JAKMIP3: variants seen among roughly 807,000 people sequenced by gnomAD.
JAKMIP3 encodes the protein janus kinase and microtubule-interacting protein 3.
Under a neutral mutation model 118.5 loss-of-function variants are expected in JAKMIP3, and 58 were observed. That is an observed-to-expected ratio of 0.49 (90% CI 0.40 to 0.61). The LOEUF (loss-of-function observed/expected upper bound fraction) is 0.61. Ranked by LOEUF, JAKMIP3 falls within the 20% of genes least tolerant of loss-of-function variation. The pLI is 0.00. For missense variants in JAKMIP3, 950 were observed against 1,109.0 expected (o/e 0.86, Z 2.04); for synonymous variants, 486 against 451.2 (o/e 1.08, Z -0.98).
intron 19 of JAKMIP3, among the ~76,000 whole-genome samples, chr10:132,159,866 T>C (rs1213623750): frequency 2.9e-5 from 2 of 70,172 alleles, no homozygotes; most frequent in Non-Finnish European, 5.1e-5. Context: ...CCCTGTGTGA[T>C]GCTGGGGGGG....
rs142073916 is a variant in JAKMIP3 at position 132,067,553 on chromosome 10, G to A, written c.-138+1492G>A. ...TCGAGCTCCTCCAAGAGAAGTAAGT[G>A]TCCTATACATGTTCTTGGAAGGTTG... is the stretch of plus-strand genomic sequence containing the variant. On this transcript the variant is annotated intron_variant, in intron 1 of 23. Transcript: ENST00000684848. 1.3e-3 allele frequency among the ~76,000 whole-genome samples: 195 copies of A among 152,376 alleles called. 4 individuals carry two copies. The East Asian group carries it at 0.028, about 22-fold the overall frequency.
intron 1 of JAKMIP3, among the ~76,000 whole-genome samples, chr10:132,053,623 T>G (rs940192076): frequency 5.3e-5 from 8 of 152,214 alleles, no homozygotes; most frequent in African/African-American, 1.9e-4. Flanking sequence ...AACCCTAACC[T>G]AACTCTAGTT....
chr10:132,180,656 TGCGTGTGTGC>T lies in JAKMIP3; in HGVS notation c.*1104-1699_*1104-1690del, dbSNP rs2060976974. On this transcript the variant is annotated intron_variant, in intron 23 of 23. Transcript: ENST00000684848. ...GTGCGTGCGTGTGTGCGTGTGCGTG[TGCGTGTGTGC>T]GTGTGTGTGCGCGCGCGTGTGTGTG... is the stretch of plus-strand genomic sequence containing the variant. 5.5e-4 allele frequency among the ~76,000 whole-genome samples: 9 copies of T among 16,324 alleles called. 2 individuals carry two copies. The highest frequency in any genetic ancestry group is 2.1e-3 in the South Asian group (1 of 466). 10.7% of individuals were successfully genotyped at this position (16,324 alleles called of 152,430 possible). A position where few individuals can be genotyped will look rare whatever the true frequency, so the allele number is the denominator to read the frequency against.
intron 19 of JAKMIP3, among the ~76,000 whole-genome samples, chr10:132,159,954 C>T (rs183193146): frequency 2.1e-4 from 3 of 14,542 alleles, no homozygotes; most frequent in Non-Finnish European, 3.4e-4. Context: ...GCTGGGGGGG[C>T]CTCTTCCTGT....
At position 132,117,935 on chromosome 10, in the gene JAKMIP3, A is replaced by G. The variant is rs1193518888; in HGVS notation, c.633+361A>G. 6.6e-6 allele frequency among the ~76,000 whole-genome samples: 1 copy of G among 152,116 alleles called. No homozygotes were observed. The highest frequency in any genetic ancestry group is 2.4e-5 in the African/African-American group (1 of 41,426). Reference sequence around the variant, plus strand: ...CATCCACACCGCAGGGTTCACGGACATCTCTTCTTAGTGTCCCGGGTCACA... The same window carrying G: ...CATCCACACCGCAGGGTTCACGGACGTCTCTTCTTAGTGTCCCGGGTCACA... On this transcript the variant is annotated intron_variant, in intron 3 of 23. Coordinates refer to ENST00000684848, the MANE Select transcript of JAKMIP3 (RefSeq NM_001323087.2). The surrounding 1 kb of genome is among the most constrained non-coding windows in gnomAD (Gnocchi z 8.6).
chr10:132,180,554 C>T (rs796630658), intron 23 of JAKMIP3, among the ~76,000 whole-genome samples: 1,221 of 4,288 alleles, frequency 0.28, 301 homozygotes, highest in East Asian at 0.65. Flanking sequence ...TGCGTGCGTG[C>T]ATGCGTGTGT....
chr10:132,141,000 A>T (rs974798160), intron 10 of JAKMIP3, among the ~76,000 whole-genome samples: 1 of 152,152 alleles, frequency 6.6e-6, no homozygotes, highest in Admixed American at 6.5e-5. Flanking sequence ...GTTGAGCAGG[A>T]GTTTTCTTTC....
At chr10:132,146,134 C>T (rs2054559034) in intron 13 of JAKMIP3, among the ~76,000 whole-genome samples, 1 of 133,442 alleles carries the variant, frequency 7.5e-6, no homozygotes, top group African/African-American at 2.7e-5. Context: ...GCCCCGCCCC[C>T]ACCCCCACCC....
intron 1 of JAKMIP3, among the ~76,000 whole-genome samples, chr10:132,102,997 G>A (rs1336050067): frequency 6.6e-6 from 1 of 151,208 alleles, no homozygotes; most frequent in Non-Finnish European, 1.5e-5. Flanking sequence ...GAGGAGATGG[G>A]GGCGTGGGGT....
intron 1 of JAKMIP3, among the ~76,000 whole-genome samples, chr10:132,043,475 T>C (rs575429888): frequency 2.0e-5 from 3 of 152,342 alleles, no homozygotes; most frequent in South Asian, 4.1e-4. Flanking sequence ...TAGGTTGAAG[T>C]CTGGTGCAGC....
chr10:132,050,698 C>T (rs2038073116), intron 1 of JAKMIP3, among the ~76,000 whole-genome samples: 1 of 152,172 alleles, frequency 6.6e-6, no homozygotes, highest in Admixed American at 6.5e-5. Context: ...CCATACAAGG[C>T]ACATTTTTTC....
intron 1 of JAKMIP3, among the ~76,000 whole-genome samples, chr10:132,091,336 T>C (rs994631766): frequency 2.0e-5 from 3 of 152,226 alleles, no homozygotes; most frequent in Admixed American, 1.3e-4. Context: ...GGTATCCTTG[T>C]TAACTTTCTG....
At chr10:132,172,529 T>C (rs904470474) in intron 23 of JAKMIP3, among the ~76,000 whole-genome samples, 1 of 152,022 alleles carries the variant, frequency 6.6e-6, no homozygotes, top group South Asian at 2.1e-4. Context: ...TTCTATTTCA[T>C]TGGTTAGAAT....
intron 19 of JAKMIP3, among the ~76,000 whole-genome samples, chr10:132,159,641 G>GGGGGGCCCTCTCCCTATGTGATGCTCA (rs2057699456): frequency 1.4e-5 from 1 of 70,846 alleles, no homozygotes; most frequent in African/African-American, 5.0e-5. Flanking sequence ...TTGTGATGCT[G>GGGGGGCCCTCTCCCTATGTGATGCTCA]GGGGGCCTCT....
chr10:132,087,968 T>C (rs994083685), intron 1 of JAKMIP3, among the ~76,000 whole-genome samples: 3 of 152,152 alleles, frequency 2.0e-5, no homozygotes, highest in Admixed American at 1.3e-4. Flanking sequence ...TTTAGTTTTT[T>C]GTCCTTGTGA....
At chr10:132,042,223 C>CTTCTT (rs1311028209) in intron 1 of JAKMIP3, among the ~76,000 whole-genome samples, 3 of 147,294 alleles carry the variant, frequency 2.0e-5, no homozygotes, top group East Asian at 4.1e-4. Flanking sequence ...TCCTTCTTTC[C>CTTCTT]TCCTCCTCCT....
intron 16 of JAKMIP3, 87 bp from the exon 17 acceptor site, chr10:132,152,871 C>T: frequency 1.9e-6 from 2 of 1,078,844 alleles, no homozygotes; most frequent in South Asian, 1.4e-5. Flanking sequence ...TCAGCCTCCC[C>T]AGTCAGCTTC....
chr10:132,107,609 T>C (rs907559678), intron 2 of JAKMIP3, among the ~76,000 whole-genome samples: 3 of 152,236 alleles, frequency 2.0e-5, no homozygotes, highest in Non-Finnish European at 4.4e-5. Flanking sequence ...GCATAAGCGA[T>C]CTGAGCCCTG....
intron 23 of JAKMIP3, among the ~76,000 whole-genome samples, chr10:132,180,595 G>GCGCC (rs1418534833): frequency 1.8e-5 from 1 of 55,752 alleles, no homozygotes; most frequent in African/African-American, 7.7e-5. Context: ...GCGTGTGTGT[G>GCGCC]TGCGTGCGCG....
Sources: allele counts gnomAD v4.1 joint callset (sites outside exome capture counted in the v4.1 genomes callset), GRCh38; gene constraint gnomAD v4.1.1; non-coding constraint Gnocchi (gnomAD v3.1); transcripts MANE v1.5; gene names NCBI Gene and HGNC (gene_info 2026-07-23, HGNC 2026-07-21).